Variants in OPA1 observed in about 807,000 individuals in gnomAD.
OPA1 encodes the protein OPA1 mitochondrial dynamin like GTPase, also known as dynamin-like GTPase OPA1, mitochondrial.
Under a neutral mutation model 152.9 loss-of-function variants are expected in OPA1, and 59 were observed. That is an observed-to-expected ratio of 0.39 (90% CI 0.31 to 0.48). The LOEUF (loss-of-function observed/expected upper bound fraction) is 0.48, where lower values mean the gene tolerates loss of function less well. Ranked by LOEUF, OPA1 falls within the 20% of genes least tolerant of loss-of-function variation. The probability of loss-of-function intolerance (pLI) is 0.96; values close to 1 mark genes in which losing one functional copy is unlikely to be tolerated. For missense variants in OPA1, 1,008 were observed against 1,216.8 expected, an observed-to-expected ratio of 0.83 and a Z score of 2.55; for synonymous variants, 400 against 389.9, an observed-to-expected ratio of 1.03 and a Z score of -0.31.
intron 1 of OPA1, 152 bp downstream of exon 1, chr3:193,593,561 CAG>C: frequency 2.3e-6 from 2 of 857,160 alleles, no homozygotes; most frequent in Non-Finnish European, 1.7e-6. Flanking sequence ...CCCAGAATGA[CAG>C]GAGCCCTGGC....
At chr3:193,693,766 G>T (rs1348364863) in intron 30 of OPA1, among the ~76,000 whole-genome samples, 1 of 152,174 alleles carries the variant, frequency 6.6e-6, no homozygotes, top group Non-Finnish European at 1.5e-5. Context: ...TGTCTTTTGT[G>T]TATGAATATT....
At chr3:193,688,354 A>G (rs1308706544) in intron 29 of OPA1, among the ~76,000 whole-genome samples, 2 of 149,174 alleles carry the variant, frequency 1.3e-5, no homozygotes, top group African/African-American at 4.9e-5. Flanking sequence ...TCAGAATATG[A>G]TAGCATATTA....
rs1296990330 is a variant in OPA1, at chr3:193,593,292, A to G, written c.-86A>G. ...GCTGCTGAGGGCCACTTCCTGGGTC[A>G]TTCCTGGACCGGGAGCCGGGCTGGG... On this transcript the variant is annotated 5_prime_UTR_variant, in exon 1 of 31. Transcript: ENST00000361510. 6 of 1,415,626 alleles carry G rather than the reference A, an allele frequency of 4.2e-6. No individual in the cohort carries two copies. The highest frequency in any genetic ancestry group is 2.9e-5 in the African/African-American group (2 of 68,718). The allele number at this position is 1,415,626 out of a possible 1,614,324, so 87.7% of individuals were successfully genotyped here. A position where few individuals can be genotyped will look rare whatever the true frequency, so the allele number is the denominator to read the frequency against.
At chr3:193,632,695 C>G (rs1261950386) in intron 8 of OPA1, among the ~76,000 whole-genome samples, 1 of 151,736 alleles carries the variant, frequency 6.6e-6, no homozygotes, top group African/African-American at 2.4e-5. Flanking sequence ...CCGGAGAAAC[C>G]CCGTATCTAT....
chr3:193,620,047 A>G (rs570029378), intron 6 of OPA1, among the ~76,000 whole-genome samples: 6 of 152,200 alleles, frequency 3.9e-5, no homozygotes, highest in African/African-American at 1.2e-4. Context: ...ACCAAAGGAC[A>G]CTCTTGATTG....
chr3:193,669,501 A>T (rs1490297269), intron 29 of OPA1, among the ~76,000 whole-genome samples: 1 of 152,180 alleles, frequency 6.6e-6, no homozygotes, highest in Non-Finnish European at 1.5e-5. Flanking sequence ...TAGCTTCTTT[A>T]TTTGTAAAAT....
rs2108795072 is a variant in OPA1 at position 193,600,956 on chromosome 3, AG to A, written c.32+7551del. ...TTAAGCTTTTTGTAGTAACAGAATC[AG>A]GGGAGGGATTAGTACAAAATTCAGT... On this transcript the variant is annotated intron_variant, in intron 1 of 30. Coordinates refer to ENST00000361510, the MANE Select transcript of OPA1 (RefSeq NM_130837.3). 2.0e-5 allele frequency among the ~76,000 whole-genome samples: 3 copies of A among 152,314 alleles called. 1 individual carries two copies. In the South Asian group the frequency reaches 6.2e-4, roughly 32 times the overall value.
At position 193,696,426 on chromosome 3, in the gene OPA1, G is replaced by A. The variant is rs999645486; in HGVS notation, c.*1826G>A. 1 of 152,188 alleles carries A rather than the reference G, an allele frequency of 6.6e-6. No individual in the cohort carries two copies. The highest frequency in any genetic ancestry group is 1.5e-5 in the Non-Finnish European group (1 of 68,034). 9.4% of individuals were successfully genotyped at this position (152,188 alleles called of 1,614,324 possible). On this transcript the variant is annotated 3_prime_UTR_variant, in exon 31 of 31. Coordinates refer to ENST00000361510, the MANE Select transcript of OPA1 (RefSeq NM_130837.3). ...AGTATTGTAACGTATGTGAATAGATGATAACAATTAATATTACTAAAAGTC... is the reference window on the plus strand; with the variant it reads ...AGTATTGTAACGTATGTGAATAGATAATAACAATTAATATTACTAAAAGTC...
intron 29 of OPA1, among the ~76,000 whole-genome samples, chr3:193,672,432 G>A (rs998895106): frequency 1.3e-5 from 2 of 152,122 alleles, no homozygotes; most frequent in Non-Finnish European, 2.9e-5. Context: ...GTTATTGTGA[G>A]GTATTGGGCC....
chr3:193,664,854 C>A, intron 26 of OPA1, 26 bp from the exon 27 acceptor site: 1 of 1,222,214 alleles, frequency 8.2e-7, no homozygotes, highest in South Asian at 1.2e-5. Context: ...TACAGTAACT[C>A]TGGGCTTTCT....
chr3:193,675,783 A>AAGG (rs1718867141), intron 29 of OPA1, among the ~76,000 whole-genome samples: 1 of 152,212 alleles, frequency 6.6e-6, no homozygotes, highest in Non-Finnish European at 1.5e-5. Flanking sequence ...TTCATTCATA[A>AAGG]ATTCCCCATA....
intron 29 of OPA1, among the ~76,000 whole-genome samples, chr3:193,672,453 T>C (rs75445554): frequency 0.034 from 5,245 of 152,252 alleles, 342 homozygotes; most frequent in African/African-American, 0.12. Context: ...TTCATAGAAA[T>C]TGCCTGGAAC....
chr3:193,651,138 C>T (rs1273135916), intron 21 of OPA1, among the ~76,000 whole-genome samples: 1 of 151,962 alleles, frequency 6.6e-6, no homozygotes, highest in Non-Finnish European at 1.5e-5. Context: ...GGTTTATTAA[C>T]CATATTCAGA....
At chr3:193,658,012 G>T (rs556874428) in intron 23 of OPA1, among the ~76,000 whole-genome samples, 4 of 152,096 alleles carry the variant, frequency 2.6e-5, no homozygotes, top group Admixed American at 2.0e-4. Flanking sequence ...TTGGGAGGCC[G>T]AGGTGGGTGG....
intron 22 of OPA1, 32 bp downstream of exon 22, chr3:193,655,059 A>G: frequency 6.3e-7 from 1 of 1,597,250 alleles, no homozygotes; most frequent in Non-Finnish European, 8.6e-7. Flanking sequence ...ATGGGTAAGA[A>G]GCATTATCTG....
chr3:193,606,154 T>A (rs1270459095), intron 1 of OPA1, among the ~76,000 whole-genome samples: 1 of 152,140 alleles, frequency 6.6e-6, no homozygotes, highest in Non-Finnish European at 1.5e-5. Flanking sequence ...AGTGCCCTGG[T>A]TGTTTGCAAT....
chr3:193,607,599 G>T (rs1023171317), intron 1 of OPA1, among the ~76,000 whole-genome samples: 7 of 152,228 alleles, frequency 4.6e-5, no homozygotes, highest in Admixed American at 2.6e-4. Context: ...ATTTCTGAGG[G>T]CTCTGTTCTG....
chr3:193,684,938 G>A lies in OPA1; in HGVS notation c.2984-7125G>A, dbSNP rs1720730835. Among the ~76,000 whole-genome samples, 4 of 152,212 alleles carry A rather than the reference G, an allele frequency of 2.6e-5. No individual in the cohort carries two copies. In the South Asian group the frequency reaches 8.3e-4, roughly 32 times the overall value. The stretch of plus-strand genomic sequence containing the variant: ...AAATATGTAGAAAGTATTTGAAGCG[G>A]TTTTAATTGTACTAGCCAAAAGGAG... On this transcript the variant is annotated intron_variant, in intron 29 of 30. Coordinates refer to ENST00000361510, the MANE Select transcript of OPA1 (RefSeq NM_130837.3).
At chr3:193,661,598 C>T (rs575484599) in intron 25 of OPA1, among the ~76,000 whole-genome samples, 44 of 152,304 alleles carry the variant, frequency 2.9e-4, no homozygotes, top group African/African-American at 6.0e-4. Context: ...AATCCATTCT[C>T]TGAAAAGTAT....
Sources: gnomAD v4.1 joint callset for allele counts (sites outside exome capture counted in the v4.1 genomes callset) on GRCh38, gnomAD v4.1.1 for gene constraint, MANE v1.5 for transcripts, NCBI Gene and HGNC (gene_info 2026-07-23, HGNC 2026-07-21) for gene names.